The following RAD51 variants were observed in gnomAD, a reference collection of about 807,000 sequenced individuals.
RAD51 encodes the protein DNA repair protein RAD51 homolog 1.
RAD51 carries 14 observed loss-of-function variants against 41.5 expected under a neutral mutation model. That is an observed-to-expected ratio of 0.34 (90% confidence interval 0.22 to 0.53). The LOEUF (loss-of-function observed/expected upper bound fraction) is 0.53, where lower values mean the gene tolerates loss of function less well. Ranked by LOEUF, RAD51 falls within the 20% of genes least tolerant of loss-of-function variation. The pLI, the probability that RAD51 is intolerant of heterozygous loss-of-function variation, is 0.95. For synonymous variants in RAD51, 136 were observed against 148.6 expected (o/e 0.92, Z 0.62); for missense variants, 234 against 422.0 (o/e 0.55, Z 3.90).
chr15:40,695,043 G>A (rs559373537), upstream of RAD51: 2 of 152,306 alleles, frequency 1.3e-5, no homozygotes, highest in Non-Finnish European at 2.9e-5. Context: ...CTGTAAACTC[G>A]CGCAGGATCA....
intron 4 of RAD51, among the ~76,000 whole-genome samples, chr15:40,708,015 T>A (rs530337851): frequency 1.9e-3 from 209 of 111,272 alleles, no homozygotes; most frequent in Non-Finnish European, 3.5e-3. Context: ...TGTGCCCAGC[T>A]TTTTTTTTTT....
Position 40,700,935 on chromosome 15 carries a change from C to A in RAD51, c.88-129C>A, listed in dbSNP as rs966879655. ...CAACTTCCCATCTCCCCCCGCCCCC[C>A]CAAGGATTTCAAGGGACAGTTGTAT... is the stretch of plus-strand genomic sequence containing the variant. On this transcript the variant is annotated intron_variant, in intron 2 of 9. Coordinates refer to ENST00000267868, the MANE Select transcript of RAD51 (RefSeq NM_002875.5). 306 of 860,714 alleles carry A rather than the reference C, an allele frequency of 3.6e-4. 4 individuals are homozygous for A. Among genetic ancestry groups the A allele is most frequent in the Admixed American group, 1.9e-3 (76 of 39,428 alleles). The allele number at this position is 860,714 out of a possible 1,614,324, so 53.3% of individuals were successfully genotyped here.
rs1595979812 is a variant in RAD51 at position 40,701,270 on chromosome 15, C to G, written c.225+69C>G. 4 of 1,525,290 alleles carry G rather than the reference C, an allele frequency of 2.6e-6. No homozygotes were observed. In the South Asian group the frequency reaches 3.4e-5, roughly 13 times the overall value. 94.5% of individuals were successfully genotyped at this position (1,525,290 alleles called of 1,614,324 possible). On this transcript the variant is annotated intron_variant, in intron 3 of 9. Transcript: ENST00000267868. ...GTACAAAAGGGAATGTAGTGAAAGA[C>G]TTCTTCCTTCTATCTCTTATTCTTC... is the stretch of plus-strand genomic sequence containing the variant.
At chr15:40,702,977 T>TA (rs1895096525) in intron 3 of RAD51, among the ~76,000 whole-genome samples, 1 of 152,224 alleles carries the variant, frequency 6.6e-6, no homozygotes, top group South Asian at 2.1e-4. Context: ...CACATGCCAC[T>TA]AGCCTGACCA....
At chr15:40,708,371 G>A (rs1381580564) in intron 4 of RAD51, among the ~76,000 whole-genome samples, 1 of 151,264 alleles carries the variant, frequency 6.6e-6, no homozygotes, top group Non-Finnish European at 1.5e-5. Flanking sequence ...GGGATTACAG[G>A]TGCCCATCAC....
In RAD51 at chr15:40,720,249, A is replaced by G. The variant is rs549274458; in HGVS notation, c.530+1350A>G. Among the ~76,000 whole-genome samples the G allele has an allele frequency of 2.0e-4, 31 of 151,874 alleles. No individual in the cohort carries two copies. In the South Asian group the frequency reaches 6.4e-3, roughly 31 times the overall value. ...GCCTCAGCCAAAAATTAGCCTGGCT[A>G]ATTTTTGTATTTTTAGAAGAGACAG... On this transcript the variant is annotated intron_variant, in intron 6 of 9. Transcript: ENST00000267868.
chr15:40,697,700 G>A (rs999834386), intron 1 of RAD51, among the ~76,000 whole-genome samples: 1 of 147,830 alleles, frequency 6.8e-6, no homozygotes, highest in Non-Finnish European at 1.5e-5. Flanking sequence ...GTCTCAGCCT[G>A]CCACCACGCC....
intron 5 of RAD51, among the ~76,000 whole-genome samples, chr15:40,715,628 A>G (rs1175208105): frequency 3.3e-5 from 5 of 152,182 alleles, no homozygotes; most frequent in African/African-American, 1.2e-4. Context: ...CTGGGAGGGC[A>G]AGGTAGAAAG....
chr15:40,731,897 T>C lies in RAD51; in HGVS notation c.*719T>C, dbSNP rs1896892924. The C allele has an allele frequency of 4.8e-6, 1 of 210,520 alleles. No homozygotes were observed. The highest frequency in any genetic ancestry group is 7.2e-5 in the East Asian group (1 of 13,868). 13.0% of individuals were successfully genotyped at this position (210,520 alleles called of 1,614,324 possible). On this transcript the variant is annotated 3_prime_UTR_variant, in exon 10 of 10. Coordinates refer to ENST00000267868, the MANE Select transcript of RAD51 (RefSeq NM_002875.5). Reference sequence around the variant, plus strand: ...AGTTTTAAGTCCAGCTTGGCCAAGGTGGTGAAATCCCATCTCTACAAAAAA... The same window carrying C: ...AGTTTTAAGTCCAGCTTGGCCAAGGCGGTGAAATCCCATCTCTACAAAAAA...
chr15:40,731,438 T>G lies in RAD51; in HGVS notation c.*260T>G. ...TTGGTTTTGGAGGAGGGGTATGAAG[T>G]ATCTTTGACATGGTGCCTTAGGAAT... On this transcript the variant is annotated 3_prime_UTR_variant, in exon 10 of 10. Transcript: ENST00000267868. 2.1e-6 allele frequency: 1 copy of G among 467,852 alleles called. No individual in the cohort carries two copies. The highest frequency in any genetic ancestry group is 3.7e-5 in the East Asian group (1 of 27,300). 29.0% of individuals were successfully genotyped at this position (467,852 alleles called of 1,614,324 possible).
intron 1 of RAD51, chr15:40,695,801 CAG>C (rs1446268917): frequency 2.6e-5 from 4 of 152,234 alleles, no homozygotes; most frequent in African/African-American, 9.6e-5. Flanking sequence ...ATTGCCAAAA[CAG>C]TGTTTTCATC....
At chr15:40,714,069 T>C (rs1895864513) in intron 5 of RAD51, among the ~76,000 whole-genome samples, 1 of 135,512 alleles carries the variant, frequency 7.4e-6, no homozygotes. Context: ...GCGCAAGCAA[T>C]CCTCCAACCT....
chr15:40,699,926 C>G (rs1894879032), intron 2 of RAD51, among the ~76,000 whole-genome samples: 1 of 151,808 alleles, frequency 6.6e-6, no homozygotes, highest in African/African-American at 2.4e-5. Flanking sequence ...TTCATATTTC[C>G]CATCTCTGAC....
intron 4 of RAD51, among the ~76,000 whole-genome samples, chr15:40,707,015 G>A (rs940407278): frequency 2.6e-5 from 4 of 152,000 alleles, no homozygotes; most frequent in African/African-American, 7.2e-5. Flanking sequence ...TTTCGAGACA[G>A]GGTCTCACTC....
intron 5 of RAD51, among the ~76,000 whole-genome samples, chr15:40,710,171 G>A (rs1340398948): frequency 6.8e-6 from 1 of 147,168 alleles, no homozygotes; most frequent in African/African-American, 2.5e-5. Context: ...GAACCCGGGA[G>A]GCACAGCTTG....
At chr15:40,706,359 A>T in intron 4 of RAD51, 65 bp downstream of exon 4, 1 of 1,280,886 alleles carries the variant, frequency 7.8e-7, no homozygotes, top group East Asian at 2.3e-5. Flanking sequence ...TATAAAACAA[A>T]ACTGAAATAT....
intron 5 of RAD51, among the ~76,000 whole-genome samples, chr15:40,714,257 C>T (rs541821118): frequency 7.0e-4 from 106 of 152,216 alleles, no homozygotes; most frequent in African/African-American, 2.5e-3. Context: ...ATAGCTATTG[C>T]GTGAGCTCCA....
At position 40,731,611 on chromosome 15, in the gene RAD51, T is replaced by TC; in HGVS notation, c.*434dup. The TC allele has an allele frequency of 4.0e-6, 1 of 248,994 alleles. No homozygotes were observed. Among genetic ancestry groups the TC allele is most frequent in the Non-Finnish European group, 7.9e-6 (1 of 126,290 alleles). 15.4% of individuals were successfully genotyped at this position (248,994 alleles called of 1,614,324 possible). On this transcript the variant is annotated 3_prime_UTR_variant, in exon 10 of 10. Coordinates refer to ENST00000267868, the MANE Select transcript of RAD51 (RefSeq NM_002875.5). ...GCAAAGGGAATGGGTCTGCACAGAT[T>TC]CTTTTTTTCTGTCAGTAAAACTCTC...
chr15:40,728,008 T>C (rs1047530712), intron 6 of RAD51, among the ~76,000 whole-genome samples: 4 of 151,970 alleles, frequency 2.6e-5, no homozygotes, highest in Non-Finnish European at 5.9e-5. Flanking sequence ...TACAGGTGCC[T>C]GCCACCACGC....
Sources: gnomAD v4.1 joint callset for allele counts (sites outside exome capture counted in the v4.1 genomes callset) on GRCh38, gnomAD v4.1.1 for gene constraint, MANE v1.5 for transcripts, NCBI Gene and HGNC (gene_info 2026-07-23, HGNC 2026-07-21) for gene names.